The following FMNL3 variants were observed in gnomAD, a reference collection of about 807,000 sequenced individuals.
FMNL3 encodes the protein formin-like protein 3.
Under a neutral mutation model 119.6 loss-of-function variants are expected in FMNL3, and 57 were observed. The ratio of observed to expected loss-of-function variants is 0.48; its 90% confidence interval spans 0.39 to 0.59. The LOEUF is 0.59. Ranked by LOEUF, FMNL3 falls within the 20% of genes least tolerant of loss-of-function variation. The pLI, the probability that FMNL3 is intolerant of heterozygous loss-of-function variation, is 0.00. For synonymous variants in FMNL3, 491 were observed against 507.3 expected (o/e 0.97, Z 0.43); for missense variants, 1,053 against 1,323.5 (o/e 0.80, Z 3.17).
chr12:49,684,341 A>G (rs4133070), intron 1 of FMNL3, among the ~76,000 whole-genome samples: 32,820 of 152,062 alleles, frequency 0.22, 5,857 homozygotes, highest in African/African-American at 0.5. Context: ...CCCTGCCACA[A>G]AATAAGGCTC....
In FMNL3 at chr12:49,653,800, C is replaced by A; in HGVS notation, c.1146G>T (p.Gly382=). The change falls in exon 12 of 26, where the codon GGG becomes GGT. Residue 382 remains glycine, a synonymous_variant. Coordinates refer to ENST00000335154, the MANE Select transcript of FMNL3 (RefSeq NM_175736.5). ...TGGTCTCAGCATCCTCCAACAAACC[C>A]CCGACATCAAACACGTTGTCCAGAT... ...QAYLDNVFDV[G]GLLEDAETKN... is the part of the protein sequence containing the mutation. 1 of 1,614,216 alleles carries A rather than the reference C, an allele frequency of 6.2e-7. No homozygotes were observed. Among genetic ancestry groups the A allele is most frequent in the South Asian group, 1.1e-5 (1 of 91,076 alleles).
rs1017127046 is a variant in FMNL3, at chr12:49,647,929, C to T, written c.2677-125G>A. 25 of 831,678 alleles carry T rather than the reference C, an allele frequency of 3.0e-5. No individual in the cohort carries two copies. Among genetic ancestry groups the T allele is most frequent in the African/African-American group, 8.6e-5 (5 of 58,038 alleles). The allele number at this position is 831,678 out of a possible 1,614,324, so 51.5% of individuals were successfully genotyped here. ...AAGGGAGGAAAACCAAGCACCCAGG[C>T]CCCTGTGAGCTGGAGGGAACCTGGG... On this transcript the variant is annotated intron_variant, in intron 22 of 25. Coordinates refer to ENST00000335154, the MANE Select transcript of FMNL3 (RefSeq NM_175736.5). The surrounding 1 kb of genome is among the most constrained non-coding windows in gnomAD (Gnocchi z 4.9).
At chr12:49,669,399 A>G (rs745434033) in intron 1 of FMNL3, among the ~76,000 whole-genome samples, 1 of 152,196 alleles carries the variant, frequency 6.6e-6, no homozygotes, top group Non-Finnish European at 1.5e-5. Flanking sequence ...AGAATGAGTG[A>G]GTGAAGCCTA....
chr12:49,695,106 T>C (rs1944717386), intron 1 of FMNL3, among the ~76,000 whole-genome samples: 1 of 151,886 alleles, frequency 6.6e-6, no homozygotes, highest in Admixed American at 6.6e-5. Flanking sequence ...AAGGATGAGG[T>C]GGGAGGGCCC....
chr12:49,687,162 C>T (rs528721723), intron 1 of FMNL3, among the ~76,000 whole-genome samples: 4 of 149,982 alleles, frequency 2.7e-5, no homozygotes, highest in East Asian at 2.0e-4. Flanking sequence ...GGCGCGATCT[C>T]GGCTCACTGC....
chr12:49,647,596 A>G lies in FMNL3; in HGVS notation c.2778+107T>C. On this transcript the variant is annotated intron_variant, in intron 23 of 25. Coordinates refer to ENST00000335154, the MANE Select transcript of FMNL3 (RefSeq NM_175736.5). The surrounding 1 kb of genome is among the most constrained non-coding windows in gnomAD (Gnocchi z 4.9). ...CACCAGCTTGCATCGCTCCCTTCCC[A>G]GGACTCGGAGGAGGAGTCGGAAAAG... is the stretch of plus-strand genomic sequence containing the variant. 1 of 1,077,782 alleles carries G rather than the reference A, an allele frequency of 9.3e-7. No individual in the cohort carries two copies. 66.8% of individuals were successfully genotyped at this position (1,077,782 alleles called of 1,614,324 possible).
chr12:49,662,418 C>T (rs1183788394), intron 4 of FMNL3, among the ~76,000 whole-genome samples: 1 of 152,208 alleles, frequency 6.6e-6, no homozygotes, highest in Admixed American at 6.5e-5. Context: ...AGAGCATTTA[C>T]TACAGGCCCG....
chr12:49,654,611 G>A (rs1943513820), intron 10 of FMNL3, among the ~76,000 whole-genome samples: 1 of 152,156 alleles, frequency 6.6e-6, no homozygotes, highest in African/African-American at 2.4e-5. Context: ...CCTGCAGTGA[G>A]GGGAAGAGAA....
intron 5 of FMNL3, among the ~76,000 whole-genome samples, chr12:49,659,209 G>A (rs915023331): frequency 6.6e-6 from 1 of 152,160 alleles, no homozygotes; most frequent in South Asian, 2.1e-4. Flanking sequence ...GGGTTTTAAT[G>A]ACCAGGTTCT....
In FMNL3 at chr12:49,643,150, C is replaced by T; in HGVS notation, c.*2665G>A. On this transcript the variant is annotated 3_prime_UTR_variant, in exon 26 of 26. Coordinates refer to ENST00000335154, the MANE Select transcript of FMNL3 (RefSeq NM_175736.5). ...CTTTGGCCCTGGGTCCTCCTCCTCT[C>T]TCGAATTCCCAGACGAGGGCTTCTG... The T allele has an allele frequency of 1.3e-6, 2 of 1,596,202 alleles. No individual in the cohort carries two copies. The highest frequency in any genetic ancestry group is 1.7e-6 in the Non-Finnish European group (2 of 1,167,092).
rs1195496777 is a variant in FMNL3 at position 49,644,216 on chromosome 12, G to A, written c.*1599C>T. The A allele has an allele frequency of 4.3e-6, 7 of 1,612,846 alleles. No homozygotes were observed. The highest frequency in any genetic ancestry group is 1.3e-5 in the African/African-American group (1 of 74,900). On this transcript the variant is annotated 3_prime_UTR_variant, in exon 26 of 26. Coordinates refer to ENST00000335154, the MANE Select transcript of FMNL3 (RefSeq NM_175736.5). ...GACCCAATGAGCTGTTCTCTGCCTC[G>A]GGTCTGTGTGAGGCCATGGCTCCTG...
In FMNL3 at chr12:49,642,741, A is replaced by T; in HGVS notation, c.*3074T>A. ...AACTCATTAGACCAGTTCAACAGAG[A>T]CCTCAGTGGCCTCCCTCTTACCCTT... is the stretch of plus-strand genomic sequence containing the variant. On this transcript the variant is annotated 3_prime_UTR_variant, in exon 26 of 26. Coordinates refer to ENST00000335154, the MANE Select transcript of FMNL3 (RefSeq NM_175736.5). This position sits in a 1 kb window ranked among gnomAD's most constrained non-coding sequence, Gnocchi z 5.8. 6.5e-7 allele frequency: 1 copy of T among 1,536,880 alleles called. No individual in the cohort carries two copies. Among genetic ancestry groups the T allele is most frequent in the Non-Finnish European group, 8.9e-7 (1 of 1,127,266 alleles).
chr12:49,668,347 G>A, intron 2 of FMNL3, 124 bp downstream of exon 2: 2 of 828,120 alleles, frequency 2.4e-6, no homozygotes, highest in Middle Eastern at 3.7e-4. Context: ...GAACACAGAT[G>A]AGGCCAAGCT....
chr12:49,660,146 T>C (rs1334735366), intron 5 of FMNL3, among the ~76,000 whole-genome samples: 1 of 152,194 alleles, frequency 6.6e-6, no homozygotes, highest in Non-Finnish European at 1.5e-5. Flanking sequence ...GTATATGCAG[T>C]TTACAAACAA....
intron 1 of FMNL3, among the ~76,000 whole-genome samples, chr12:49,704,710 CAAAAA>C (rs59799899): frequency 1.9e-4 from 7 of 37,778 alleles, no homozygotes; most frequent in Non-Finnish European, 3.9e-4. Context: ...AACTCCATCT[CAAAAA>C]AAAAAAAAAA....
chr12:49,637,872 C>T lies in FMNL3; in HGVS notation c.*7943G>A. ...ATGGATACAGGATGGATGCAGGGCA[C>T]ACTCCCTGCAGAGGACTCCCTGATA... On this transcript the variant is annotated 3_prime_UTR_variant, in exon 26 of 26. Transcript: ENST00000335154. The T allele has an allele frequency of 6.9e-7, 1 of 1,444,066 alleles. No individual in the cohort carries two copies. Among genetic ancestry groups the T allele is most frequent in the East Asian group, 2.3e-5 (1 of 44,022 alleles). 89.5% of individuals were successfully genotyped at this position (1,444,066 alleles called of 1,614,324 possible).
chr12:49,653,791 C>T lies in FMNL3; in HGVS notation c.1155G>A (p.Leu385=), dbSNP rs1226264221. The T allele has an allele frequency of 8.1e-6, 13 of 1,614,100 alleles. No individual in the cohort carries two copies. Among genetic ancestry groups the T allele is most frequent in the Non-Finnish European group, 1.1e-5 (13 of 1,180,044 alleles). ...LDNVFDVGGL[L]EDAETKNVAL... is the part of the protein sequence containing the mutation. ...CTACATTCTTGGTCTCAGCATCCTC[C>T]AACAAACCCCCGACATCAAACACGT... Residue 385 remains leucine (L), a synonymous_variant, in exon 12 of 26, where the codon TTG becomes TTA. Coordinates refer to ENST00000335154, the MANE Select transcript of FMNL3 (RefSeq NM_175736.5).
rs1942610215 is a variant in FMNL3, at chr12:49,641,277, T to C, written c.*4538A>G. The C allele has an allele frequency of 6.6e-6, 1 of 152,314 alleles. No individual in the cohort carries two copies. Among genetic ancestry groups the C allele is most frequent in the Admixed American group, 6.5e-5 (1 of 15,296 alleles). 9.4% of individuals were successfully genotyped at this position (152,314 alleles called of 1,614,324 possible). On this transcript the variant is annotated 3_prime_UTR_variant, in exon 26 of 26. Coordinates refer to ENST00000335154, the MANE Select transcript of FMNL3 (RefSeq NM_175736.5). The stretch of plus-strand genomic sequence containing the variant: ...CGTTTCTCCCATGGACTAAGTCATC[T>C]GGGTGGGTGTGGTGCTTGAAAGCAG...
intron 1 of FMNL3, among the ~76,000 whole-genome samples, chr12:49,693,178 T>G (rs1487474685): frequency 6.6e-6 from 1 of 152,170 alleles, no homozygotes; most frequent in African/African-American, 2.4e-5. Context: ...ATTTATATTT[T>G]AAATTTGGGT....
Sources: gnomAD v4.1 joint callset for allele counts (sites outside exome capture counted in the v4.1 genomes callset) on GRCh38, gnomAD v4.1.1 for gene constraint, Gnocchi (gnomAD v3.1) non-coding constraint, MANE v1.5 for transcripts, NCBI Gene and HGNC (gene_info 2026-07-23, HGNC 2026-07-21) for gene names.